CCNH: variants seen among roughly 807,000 people sequenced by gnomAD.
The protein encoded by CCNH is cyclin-H.
CCNH carries 31 observed loss-of-function variants against 41.9 expected under a neutral mutation model. That is an observed-to-expected ratio of 0.74 (90% CI 0.56 to 1.00). The LOEUF is 1.00. Among genes scored for constraint, CCNH ranks in the 50% least tolerant of loss-of-function variants. The probability of loss-of-function intolerance (pLI) is 0.00; values close to 1 mark genes in which losing one functional copy is unlikely to be tolerated. For synonymous variants in CCNH, 138 were observed against 136.1 expected (o/e 1.01, Z -0.10); for missense variants, 362 against 388.4 (o/e 0.93, Z 0.57).
At chr5:87,352,311 C>T (rs1759332041) in intron 9 of CCNH, among the ~76,000 whole-genome samples, 1 of 151,392 alleles carries the variant, frequency 6.6e-6, no homozygotes, top group Non-Finnish European at 1.5e-5. Context: ...GATACACACA[C>T]ACACACATAT....
At chr5:87,407,946 T>C (rs771919506) in intron 4 of CCNH, 30 bp downstream of exon 4, 6 of 1,436,210 alleles carry the variant, frequency 4.2e-6, no homozygotes, top group Admixed American at 3.4e-5. Context: ...AAGGAGAATG[T>C]AGTATTAGTT....
rs144694453 is a variant in CCNH at position 87,412,856 on chromosome 5, G to A, written c.-62C>T. On this transcript the variant is annotated 5_prime_UTR_variant, in exon 1 of 9. Coordinates refer to ENST00000256897, the MANE Select transcript of CCNH (RefSeq NM_001239.4). ...GAGAACCCAAACGCATCAGCGTCCT[G>A]GCGTAAAACACCCGTACCCCCACCG... The A allele has an allele frequency of 9.3e-4, 1,474 of 1,586,810 alleles. 6 individuals carry two copies. The African/African-American group carries it at 0.016, about 17-fold the overall frequency.
intron 9 of CCNH, among the ~76,000 whole-genome samples, chr5:87,348,803 C>T (rs1470019604): frequency 6.7e-6 from 1 of 148,370 alleles, no homozygotes; most frequent in Non-Finnish European, 1.5e-5. Flanking sequence ...TGATTAAGCA[C>T]AGAGTATTCT....
downstream of CCNH, chr5:87,374,879 T>C (rs1225660999): frequency 6.2e-7 from 1 of 1,609,316 alleles, no homozygotes. Context: ...AAATAACTCT[T>C]AGTAATAAAA....
intron 9 of CCNH, among the ~76,000 whole-genome samples, chr5:87,343,321 C>T (rs1340449167): frequency 6.6e-6 from 1 of 152,122 alleles, no homozygotes; most frequent in Non-Finnish European, 1.5e-5. Flanking sequence ...TTTTAAATCT[C>T]CTGCCAGGAT....
intron 4 of CCNH, among the ~76,000 whole-genome samples, chr5:87,405,901 G>A (rs1763753679): frequency 6.6e-6 from 1 of 151,990 alleles, no homozygotes; most frequent in East Asian, 1.9e-4. Flanking sequence ...AGGGCTGCCA[G>A]AGAAAACCAT....
chr5:87,377,829 G>A (rs1223341372), upstream of CCNH, among the ~76,000 whole-genome samples: 1 of 152,112 alleles, frequency 6.6e-6, no homozygotes, highest in African/African-American at 2.4e-5. Flanking sequence ...AAATAGTAAA[G>A]TTTAGAACTA....
downstream of CCNH, chr5:87,393,635 A>AATC (rs1352268329): frequency 6.6e-6 from 1 of 152,172 alleles, no homozygotes; most frequent in Non-Finnish European, 1.5e-5. Context: ...TAACTGTTAT[A>AATC]ATCTACTTAC....
chr5:87,376,221 G>GT (rs1404721259), downstream of CCNH: 1 of 737,338 alleles, frequency 1.4e-6, no homozygotes, highest in Non-Finnish European at 2.3e-6. Flanking sequence ...TTAGTGCACC[G>GT]TAGACACTCA....
At chr5:87,404,819 C>A in intron 5 of CCNH, 25 bp downstream of exon 5, 1 of 1,556,352 alleles carries the variant, frequency 6.4e-7, no homozygotes, top group Non-Finnish European at 8.7e-7. Flanking sequence ...CTGAATTTGA[C>A]CTAAGTTAAA....
downstream of CCNH, chr5:87,392,558 T>C: frequency 5.8e-6 from 2 of 342,382 alleles, no homozygotes; most frequent in South Asian, 2.3e-5. Context: ...GGTTACATGA[T>C]AGAAGACAGG....
chr5:87,378,733 G>A (rs1252482516), upstream of CCNH, among the ~76,000 whole-genome samples: 3 of 152,042 alleles, frequency 2.0e-5, no homozygotes, highest in Non-Finnish European at 4.4e-5. Context: ...ACTTTATTTT[G>A]GGATTAAAAA....
At chr5:87,385,089 A>AT (rs1761977294) in intron 9 of CCNH, among the ~76,000 whole-genome samples, 2 of 152,142 alleles carry the variant, frequency 1.3e-5, no homozygotes, top group African/African-American at 4.8e-5. Flanking sequence ...ACTGATAAGC[A>AT]TATTCACTTT....
In CCNH at chr5:87,338,501, T is replaced by TTATA. The variant is rs3069490; in HGVS notation, c.*91-19608_*91-19605dup. On this transcript the variant is annotated intron_variant and NMD_transcript_variant, in intron 9 of 9. Coordinates refer to the CCNH transcript ENST00000645953. ...CATGTGCCACCATGCCCAGCTAATT[T>TTATA]TATATATATATATATATATATATAT... Among the ~76,000 whole-genome samples the TTATA allele has an allele frequency of 5.2e-3, 397 of 75,658 alleles. 7 individuals carry two copies. Among genetic ancestry groups the TTATA allele is most frequent in the East Asian group, 0.011 (22 of 1,922 alleles). The allele number at this position is 75,658 out of a possible 152,430, so 49.6% of individuals were successfully genotyped here.
downstream of CCNH, chr5:87,390,720 T>G: frequency 8.4e-7 from 1 of 1,194,000 alleles, no homozygotes; most frequent in Non-Finnish European, 1.2e-6. Flanking sequence ...TTTGATACAG[T>G]TTTTTTCAAA....
chr5:87,334,035 T>C (rs1757779743), intron 9 of CCNH, among the ~76,000 whole-genome samples: 1 of 152,220 alleles, frequency 6.6e-6, no homozygotes, highest in Non-Finnish European at 1.5e-5. Context: ...GTGTTTCATG[T>C]AACTATGGGG....
downstream of CCNH, chr5:87,389,337 AAAC>A: frequency 6.2e-7 from 1 of 1,607,770 alleles, no homozygotes; most frequent in Non-Finnish European, 8.5e-7. Flanking sequence ...GTCTCAAAAA[AAAC>A]AAAAAAAAAG....
At chr5:87,380,780 G>C (rs1761655905), upstream of CCNH, among the ~76,000 whole-genome samples, 1 of 152,108 alleles carries the variant, frequency 6.6e-6, no homozygotes. Context: ...GCTGCCGTTT[G>C]CATTTTCTAA....
At chr5:87,366,290 G>T in intron 9 of CCNH, 1 of 339,870 alleles carries the variant, frequency 2.9e-6, no homozygotes, top group Non-Finnish European at 6.1e-6. Flanking sequence ...GATGAATATT[G>T]CAATATCTGT....
Sources: allele counts gnomAD v4.1 joint callset (sites outside exome capture counted in the v4.1 genomes callset), GRCh38; gene constraint gnomAD v4.1.1; transcripts MANE v1.5; gene names NCBI Gene and HGNC (gene_info 2026-07-23, HGNC 2026-07-21).